The following SLC35F4 variants were observed in gnomAD, a reference collection of about 807,000 sequenced individuals.
SLC35F4 encodes solute carrier family 35 member F4, also known as chromosome 14 open reading frame 36.
Under a neutral mutation model 44.2 loss-of-function variants are expected in SLC35F4, and 24 were observed. The ratio of observed to expected loss-of-function variants is 0.54; its 90% CI spans 0.39 to 0.76. The LOEUF is 0.76. SLC35F4 is among the 30% of genes least tolerant of loss of function. The probability of loss-of-function intolerance (pLI) is 0.00; values close to 1 mark genes in which losing one functional copy is unlikely to be tolerated. For synonymous variants in SLC35F4, 238 were observed against 223.6 expected (o/e 1.06, Z -0.57); for missense variants, 562 against 586.1 (o/e 0.96, Z 0.42).
rs78584749 is a variant in SLC35F4 at position 57,922,889 on chromosome 14, T to C, written n.282+59024A>G. Among the ~76,000 whole-genome samples, 491 of 152,332 alleles carry C rather than the reference T, an allele frequency of 3.2e-3. 2 individuals are homozygous for C. Among genetic ancestry groups the C allele is most frequent in the African/African-American group, 0.011 (471 of 41,570 alleles). On this transcript the variant is annotated intron_variant and non_coding_transcript_variant, in intron 1 of 1. Transcript: ENST00000556568. The stretch of plus-strand genomic sequence containing the variant: ...TGGGATTAGTAAAAATCCAGGGAGA[T>C]GAACTGTGTTGTCCAGCATTCTAAG...
chr14:57,799,032 A>G (rs1242076625), intron 1 of SLC35F4, among the ~76,000 whole-genome samples: 1 of 152,274 alleles, frequency 6.6e-6, no homozygotes, highest in African/African-American at 2.4e-5. Context: ...ATGTCCAATT[A>G]GAAGCAGCTG....
chr14:57,897,844 T>C (rs1888914220), intron 1 of SLC35F4, among the ~76,000 whole-genome samples: 1 of 152,156 alleles, frequency 6.6e-6, no homozygotes, highest in Non-Finnish European at 1.5e-5. Context: ...AGCACAAAAA[T>C]AGGCTTCTGA....
chr14:57,774,881 C>T (rs530610570), intron 1 of SLC35F4, among the ~76,000 whole-genome samples: 2 of 152,202 alleles, frequency 1.3e-5, no homozygotes, highest in Non-Finnish European at 2.9e-5. Context: ...CCTGCCAGCA[C>T]GTTTGTGCAT....
At chr14:57,670,862 G>A (rs2074492382) in intron 1 of SLC35F4, among the ~76,000 whole-genome samples, 1 of 149,948 alleles carries the variant, frequency 6.7e-6, no homozygotes, top group Non-Finnish European at 1.5e-5. Context: ...TGCCACAGAA[G>A]CTATAGAGGA....
chr14:57,700,280 T>C (rs1036014557), intron 1 of SLC35F4, among the ~76,000 whole-genome samples: 1 of 152,152 alleles, frequency 6.6e-6, no homozygotes, highest in Non-Finnish European at 1.5e-5. Context: ...TATTTATGTA[T>C]CTAAACATTA....
At chr14:57,638,802 A>C (rs2073111284) in intron 1 of SLC35F4, among the ~76,000 whole-genome samples, 1 of 152,042 alleles carries the variant, frequency 6.6e-6, no homozygotes, top group Non-Finnish European at 1.5e-5. Context: ...TTTTCCCACA[A>C]GGAACCACCT....
At chr14:57,759,812 C>A (rs2077081161) in intron 1 of SLC35F4, among the ~76,000 whole-genome samples, 1 of 149,482 alleles carries the variant, frequency 6.7e-6, no homozygotes, top group South Asian at 2.1e-4. Flanking sequence ...TCTATATCTT[C>A]TTTGAAGAAA....
upstream of SLC35F4, among the ~76,000 whole-genome samples, chr14:57,867,088 A>C (rs1888187913): frequency 6.6e-6 from 1 of 151,808 alleles, no homozygotes; most frequent in African/African-American, 2.4e-5. Flanking sequence ...GAGGCAATTT[A>C]GGTCCACCTT....
chr14:57,846,139 C>A (rs1412173420), intron 1 of SLC35F4, among the ~76,000 whole-genome samples: 1 of 152,040 alleles, frequency 6.6e-6, no homozygotes, highest in African/African-American at 2.4e-5. Flanking sequence ...TGTCTTAGAC[C>A]AAGGTAATCA....
intron 1 of SLC35F4, chr14:57,595,876 T>G (rs1280454467): frequency 6.6e-6 from 1 of 152,208 alleles, no homozygotes; most frequent in Non-Finnish European, 1.5e-5. Context: ...CTTCTATTTC[T>G]TTGGAATGAT....
At chr14:57,755,201 C>T (rs1156460070) in intron 1 of SLC35F4, among the ~76,000 whole-genome samples, 2 of 152,172 alleles carry the variant, frequency 1.3e-5, no homozygotes, top group East Asian at 1.9e-4. Flanking sequence ...ACAGGGCTCG[C>T]TGTGTTGGCG....
intron 1 of SLC35F4, among the ~76,000 whole-genome samples, chr14:57,943,210 T>C (rs1421533680): frequency 6.6e-6 from 1 of 152,198 alleles, no homozygotes; most frequent in Non-Finnish European, 1.5e-5. Context: ...CAGCCCCCAG[T>C]GGTTTTTGCA....
At chr14:57,698,239 G>C (rs1278688434) in intron 1 of SLC35F4, among the ~76,000 whole-genome samples, 2 of 152,106 alleles carry the variant, frequency 1.3e-5, no homozygotes, top group Non-Finnish European at 2.9e-5. Context: ...TCATACCCTG[G>C]TAATGAGCAT....
chr14:57,870,886 C>G (rs941763577), upstream of SLC35F4, among the ~76,000 whole-genome samples: 2 of 152,158 alleles, frequency 1.3e-5, no homozygotes, highest in Admixed American at 6.5e-5. Flanking sequence ...TGAGGCAGAC[C>G]TTGTGTGCCA....
At chr14:57,807,910 C>T (rs1043146346) in intron 1 of SLC35F4, among the ~76,000 whole-genome samples, 1 of 151,756 alleles carries the variant, frequency 6.6e-6, no homozygotes, top group African/African-American at 2.4e-5. Context: ...TGGTGGGAGG[C>T]AAAGGAGGAG....
At chr14:57,684,033 C>A (rs1356292756) in intron 1 of SLC35F4, among the ~76,000 whole-genome samples, 2 of 152,066 alleles carry the variant, frequency 1.3e-5, no homozygotes, top group Admixed American at 6.6e-5. Flanking sequence ...CCTTCTAGGT[C>A]CCTTCATCAG....
At chr14:57,623,440 C>T (rs1406398701) in intron 1 of SLC35F4, among the ~76,000 whole-genome samples, 2 of 152,194 alleles carry the variant, frequency 1.3e-5, no homozygotes, top group Non-Finnish European at 2.9e-5. Context: ...GACTTGAACT[C>T]AGCTCTGGAC....
chr14:57,722,467 GGCAGTACCT>G (rs1419111392), intron 1 of SLC35F4, among the ~76,000 whole-genome samples: 2 of 152,156 alleles, frequency 1.3e-5, no homozygotes, highest in Non-Finnish European at 2.9e-5. Context: ...AGATTTGTGA[GGCAGTACCT>G]GCATCTTTGA....
Position 57,948,370 on chromosome 14 carries a change from GCTGTA to G in SLC35F4, n.282+33538_282+33542del, listed in dbSNP as rs1440590434. ...AATCTTTTGTATTTCTGTGGTATCA[GCTGTA>G]ATATCTCCTGTTTCATTTCTAATTG... is the stretch of plus-strand genomic sequence containing the variant. On this transcript the variant is annotated intron_variant and non_coding_transcript_variant, in intron 1 of 1. Coordinates refer to the SLC35F4 transcript ENST00000556568. Among the ~76,000 whole-genome samples, 7 of 152,110 alleles carry G rather than the reference GCTGTA, an allele frequency of 4.6e-5. No homozygotes were observed. In the East Asian group the frequency reaches 1.4e-3, roughly 29 times the overall value.
Sources: allele counts gnomAD v4.1 joint callset (sites outside exome capture counted in the v4.1 genomes callset), GRCh38; gene constraint gnomAD v4.1.1; transcripts MANE v1.5; gene names NCBI Gene and HGNC (gene_info 2026-07-23, HGNC 2026-07-21).